Variants in IQCM observed in about 807,000 individuals in gnomAD.
IQCM encodes the protein IQ motif containing M, also known as IQ domain-containing protein M.
IQCM carries 45 observed loss-of-function variants against 57.6 expected under a neutral mutation model. The ratio of observed to expected loss-of-function variants is 0.78; its 90% confidence interval spans 0.62 to 1.00. The LOEUF is 1.00. Among genes scored for constraint, IQCM ranks in the 50% least tolerant of loss-of-function variants. IQCM has a pLI of 0.00. For synonymous variants in IQCM, 148 were observed against 158.9 expected, an observed-to-expected ratio of 0.93 and a Z score of 0.51; for missense variants, 468 against 511.6, an observed-to-expected ratio of 0.91 and a Z score of 0.82.
intron 12 of IQCM, among the ~76,000 whole-genome samples, chr4:149,488,900 T>C (rs17026275): frequency 0.026 from 3,938 of 152,188 alleles, 143 homozygotes; most frequent in African/African-American, 0.087. Context: ...TATAGAATAG[T>C]GAGAAGGTAG....
At chr4:149,477,335 G>A (rs938341572) in intron 12 of IQCM, among the ~76,000 whole-genome samples, 2 of 152,104 alleles carry the variant, frequency 1.3e-5, no homozygotes, top group Non-Finnish European at 2.9e-5. Flanking sequence ...TGAACTGGGA[G>A]GCTATGATCT....
chr4:149,535,207 T>G (rs898382570), intron 12 of IQCM, among the ~76,000 whole-genome samples: 5 of 152,052 alleles, frequency 3.3e-5, no homozygotes, highest in African/African-American at 1.2e-4. Flanking sequence ...GGACTCTGCA[T>G]CAAGATAAAT....
At chr4:149,355,184 G>T (rs1305162348) in intron 13 of IQCM, among the ~76,000 whole-genome samples, 1 of 151,932 alleles carries the variant, frequency 6.6e-6, no homozygotes, top group Non-Finnish European at 1.5e-5. Flanking sequence ...CACTTAGGAA[G>T]AATACAAATA....
chr4:149,502,358 T>C (rs1231544658), intron 12 of IQCM, among the ~76,000 whole-genome samples: 1 of 151,534 alleles, frequency 6.6e-6, no homozygotes, highest in East Asian at 1.9e-4. Flanking sequence ...AAAAGCACAA[T>C]GAGATAAGAG....
chr4:149,609,397 A>G (rs572420664), intron 8 of IQCM, among the ~76,000 whole-genome samples: 1 of 152,040 alleles, frequency 6.6e-6, no homozygotes, highest in South Asian at 2.1e-4. Context: ...CTACAAGGCC[A>G]GTATTATGCT....
chr4:149,693,626 C>G (rs1045389609), intron 5 of IQCM, among the ~76,000 whole-genome samples: 6 of 152,146 alleles, frequency 3.9e-5, no homozygotes, highest in Non-Finnish European at 8.8e-5. Context: ...TCCATACTTT[C>G]CATAAATAAT....
chr4:149,445,491 G>A (rs1736410983), intron 12 of IQCM, among the ~76,000 whole-genome samples: 1 of 151,792 alleles, frequency 6.6e-6, no homozygotes, highest in African/African-American at 2.4e-5. Flanking sequence ...CCACCTGATA[G>A]TTAAAAATAT....
At chr4:149,806,122 A>G (rs1774058476) in intron 2 of IQCM, among the ~76,000 whole-genome samples, 1 of 151,710 alleles carries the variant, frequency 6.6e-6, no homozygotes, top group Admixed American at 6.6e-5. Context: ...AATTATATAT[A>G]GAAATATTAA....
intron 12 of IQCM, among the ~76,000 whole-genome samples, chr4:149,484,541 C>T (rs1013000398): frequency 2.6e-5 from 4 of 151,860 alleles, no homozygotes; most frequent in African/African-American, 4.8e-5. Flanking sequence ...ACTGATGACA[C>T]CTTAACATTG....
intron 2 of IQCM, among the ~76,000 whole-genome samples, chr4:149,799,761 T>C (rs888881812): frequency 6.6e-6 from 1 of 151,468 alleles, no homozygotes; most frequent in African/African-American, 2.4e-5. Flanking sequence ...ACATAAAACC[T>C]ACTAAGAATG....
intron 2 of IQCM, among the ~76,000 whole-genome samples, chr4:149,810,743 C>A (rs1182428962): frequency 6.6e-6 from 1 of 152,236 alleles, no homozygotes; most frequent in Non-Finnish European, 1.5e-5. Flanking sequence ...AGCCACCATG[C>A]CCAGCCCAAA....
At chr4:149,663,271 C>CT (rs145268863) in intron 7 of IQCM, among the ~76,000 whole-genome samples, 10,678 of 150,454 alleles carry the variant, frequency 0.071, 497 homozygotes, top group Middle Eastern at 0.14. Flanking sequence ...GTATCTGTTG[C>CT]TTTTTTTTTA....
chr4:149,731,757 G>A lies in IQCM; in HGVS notation c.385+1487C>T, dbSNP rs192152081. On this transcript the variant is annotated intron_variant, in intron 5 of 13. Coordinates refer to ENST00000636793, the MANE Select transcript of IQCM (RefSeq NM_001363507.2). ...GGTTCTTTGGCCAAATGAACTGGGG[G>A]TAGCAAGGTTAAAAACAGTAAACAG... Among the ~76,000 whole-genome samples, 354 of 152,280 alleles carry A rather than the reference G, an allele frequency of 2.3e-3. 1 individual carries two copies. The highest frequency in any genetic ancestry group is 8.0e-3 in the African/African-American group (334 of 41,570).
At chr4:149,678,567 G>C (rs993052837) in intron 7 of IQCM, among the ~76,000 whole-genome samples, 1 of 151,542 alleles carries the variant, frequency 6.6e-6, no homozygotes, top group Admixed American at 6.6e-5. Context: ...AGACACTAAT[G>C]TGTTTTTAAA....
At chr4:149,472,292 T>C (rs1739655792) in intron 12 of IQCM, among the ~76,000 whole-genome samples, 2 of 152,234 alleles carry the variant, frequency 1.3e-5, no homozygotes, top group Admixed American at 6.5e-5. Context: ...ACAAAATCAA[T>C]GTACAAAAAT....
At chr4:149,468,663 G>A (rs1254179903) in intron 12 of IQCM, among the ~76,000 whole-genome samples, 3 of 152,226 alleles carry the variant, frequency 2.0e-5, no homozygotes, top group African/African-American at 4.8e-5. Context: ...TCTGAGAACA[G>A]ACAGACTGCC....
chr4:149,484,276 T>C (rs1235354485), intron 12 of IQCM, among the ~76,000 whole-genome samples: 1 of 151,986 alleles, frequency 6.6e-6, no homozygotes, highest in Non-Finnish European at 1.5e-5. Context: ...TGTCTTTTGA[T>C]TGTAGAGTTA....
At chr4:149,711,900 T>C (rs1188542388) in intron 5 of IQCM, among the ~76,000 whole-genome samples, 1 of 152,192 alleles carries the variant, frequency 6.6e-6, no homozygotes, top group Non-Finnish European at 1.5e-5. Flanking sequence ...ACAGTAAGCA[T>C]ATAAAACGCT....
intron 12 of IQCM, among the ~76,000 whole-genome samples, chr4:149,452,997 T>C (rs1180143507): frequency 6.6e-6 from 1 of 150,546 alleles, no homozygotes; most frequent in Non-Finnish European, 1.5e-5. Flanking sequence ...ACGTACCCTG[T>C]ATCTAAAATA....
Sources: gnomAD v4.1 joint callset for allele counts (sites outside exome capture counted in the v4.1 genomes callset) on GRCh38, gnomAD v4.1.1 for gene constraint, MANE v1.5 for transcripts, NCBI Gene and HGNC (gene_info 2026-07-23, HGNC 2026-07-21) for gene names.